NALF1: variants seen among roughly 807,000 people sequenced by gnomAD.
The protein encoded by NALF1 is NALCN channel auxiliary factor 1.
A neutral mutation model predicts 48.4 loss-of-function variants in NALF1; 3 were observed. The ratio of observed to expected loss-of-function variants is 0.06; its 90% CI spans 0.03 to 0.16. The LOEUF (loss-of-function observed/expected upper bound fraction) is 0.16. NALF1 is among the 10% of genes least tolerant of loss of function. The pLI, the probability that NALF1 is intolerant of heterozygous loss-of-function variation, is 1.00. For missense variants in NALF1, 526 were observed against 571.5 expected, an observed-to-expected ratio of 0.92 and a Z score of 0.81; for synonymous variants, 262 against 245.7, an observed-to-expected ratio of 1.07 and a Z score of -0.62.
intron 1 of NALF1, among the ~76,000 whole-genome samples, chr13:107,221,787 A>G (rs1205747875): frequency 6.6e-6 from 1 of 152,078 alleles, no homozygotes; most frequent in Non-Finnish European, 1.5e-5. Context: ...ATTTTACCCT[A>G]CACCCCGCCA....
At chr13:107,321,747 A>G (rs1038961771) in intron 1 of NALF1, among the ~76,000 whole-genome samples, 7 of 152,118 alleles carry the variant, frequency 4.6e-5, no homozygotes, top group African/African-American at 1.4e-4. Flanking sequence ...GGTCCTCCTA[A>G]ATGGCATCTT....
At position 107,223,660 on chromosome 13, in the gene NALF1, G is replaced by A. The variant is rs558176189; in HGVS notation, c.916-12905C>T. Among the ~76,000 whole-genome samples, 41 of 152,278 alleles carry A rather than the reference G, an allele frequency of 2.7e-4. No individual in the cohort carries two copies. In the East Asian group the frequency reaches 3.7e-3, roughly 14 times the overall value. On this transcript the variant is annotated intron_variant, in intron 1 of 2. Transcript: ENST00000375915. The stretch of plus-strand genomic sequence containing the variant: ...AAAACATTTTCAAGGACAGTTTCTC[G>A]TTGGGTGCTCCCTGTGTTCCATTGA...
intron 1 of NALF1, among the ~76,000 whole-genome samples, chr13:107,226,301 G>C (rs372957493): frequency 1.3e-5 from 2 of 152,302 alleles, no homozygotes; most frequent in African/African-American, 4.8e-5. Flanking sequence ...TAGAATTTAA[G>C]ATACTCACTA....
chr13:107,374,416 T>A (rs1883301035), intron 1 of NALF1, among the ~76,000 whole-genome samples: 1 of 152,222 alleles, frequency 6.6e-6, no homozygotes, highest in South Asian at 2.1e-4. Context: ...AATAAGTAGA[T>A]CCTCTATCAA....
intron 1 of NALF1, among the ~76,000 whole-genome samples, chr13:107,221,988 A>G (rs991590478): frequency 6.6e-6 from 1 of 152,224 alleles, no homozygotes; most frequent in Non-Finnish European, 1.5e-5. Context: ...AAAGAAGCTC[A>G]AAGAAGGCAC....
chr13:107,807,238 A>T, intron 1 of NALF1, among the ~76,000 whole-genome samples: 1 of 152,298 alleles, frequency 6.6e-6, no homozygotes, highest in East Asian at 1.9e-4. Flanking sequence ...TATTTTCAAT[A>T]TCTAAGATAT....
chr13:107,781,221 C>G (rs763375270), intron 1 of NALF1, among the ~76,000 whole-genome samples: 1 of 151,928 alleles, frequency 6.6e-6, no homozygotes, highest in East Asian at 1.9e-4. Flanking sequence ...ACCAGAGATG[C>G]CTCTGCAAAA....
intron 1 of NALF1, among the ~76,000 whole-genome samples, chr13:107,767,035 G>C (rs1470169883): frequency 6.6e-6 from 1 of 152,140 alleles, no homozygotes; most frequent in Non-Finnish European, 1.5e-5. Flanking sequence ...GGGTAAGACA[G>C]AGTCAGAGAG....
chr13:107,199,642 C>A (rs1032968711), intron 2 of NALF1, among the ~76,000 whole-genome samples: 15 of 152,132 alleles, frequency 9.9e-5, no homozygotes, highest in African/African-American at 2.9e-4. Context: ...CACTTTTCAG[C>A]CTTTGTTTTA....
chr13:107,679,685 A>T (rs1305462047), intron 1 of NALF1, among the ~76,000 whole-genome samples: 2 of 152,120 alleles, frequency 1.3e-5, no homozygotes, highest in Non-Finnish European at 2.9e-5. Context: ...CTCAGCTCCC[A>T]CTGTGGTGCT....
intron 1 of NALF1, among the ~76,000 whole-genome samples, chr13:107,549,103 A>C (rs548333604): frequency 1.3e-5 from 2 of 152,304 alleles, no homozygotes; most frequent in Admixed American, 1.3e-4. Flanking sequence ...GTTACCTTAC[A>C]AACATGTTCT....
intron 1 of NALF1, among the ~76,000 whole-genome samples, chr13:107,800,859 T>C (rs1878592688): frequency 6.6e-6 from 1 of 151,556 alleles, no homozygotes; most frequent in South Asian, 2.1e-4. Flanking sequence ...TGGTTTAAGT[T>C]ATAGTATGAT....
At chr13:107,548,134 A>G (rs995363446) in intron 1 of NALF1, among the ~76,000 whole-genome samples, 2 of 151,906 alleles carry the variant, frequency 1.3e-5, no homozygotes, top group Non-Finnish European at 2.9e-5. Flanking sequence ...CCCACCCTCC[A>G]TCCTCGAGTA....
intron 1 of NALF1, among the ~76,000 whole-genome samples, chr13:107,617,178 C>T (rs1180561247): frequency 2.0e-5 from 3 of 152,098 alleles, no homozygotes. Context: ...TATTCATATC[C>T]TTCAGAACTG....
chr13:107,738,838 A>AC lies in NALF1; in HGVS notation c.915+126843_915+126844insG, dbSNP rs1876540591. Among the ~76,000 whole-genome samples the AC allele has an allele frequency of 4.6e-5, 7 of 151,850 alleles. No individual in the cohort carries two copies. The South Asian group carries it at 1.5e-3, about 32-fold the overall frequency. On this transcript the variant is annotated intron_variant, in intron 1 of 2. Coordinates refer to ENST00000375915, the MANE Select transcript of NALF1 (RefSeq NM_001080396.3). ...GCCAGCATGACCAGCTCATTTTTGTATTTTTAGTAGAGATGGGGTTTCACC... is the reference window on the plus strand; with the variant it reads ...GCCAGCATGACCAGCTCATTTTTGTACTTTTTAGTAGAGATGGGGTTTCACC...
chr13:107,759,308 A>G (rs146016991), intron 1 of NALF1, among the ~76,000 whole-genome samples: 2,523 of 152,254 alleles, frequency 0.017, 73 homozygotes, highest in African/African-American at 0.057. Flanking sequence ...TCCCGGGTTC[A>G]AGCAATTCTC....
chr13:107,289,737 C>T (rs868095852), intron 1 of NALF1, among the ~76,000 whole-genome samples: 9 of 152,124 alleles, frequency 5.9e-5, no homozygotes, highest in Non-Finnish European at 7.3e-5. Context: ...GGGGATAAAA[C>T]GAGCTATTTC....
At chr13:107,521,984 G>A (rs528891329) in intron 1 of NALF1, among the ~76,000 whole-genome samples, 115 of 151,314 alleles carry the variant, frequency 7.6e-4, no homozygotes, top group African/African-American at 2.7e-3. Context: ...CACACACAGC[G>A]TATCTCTCAC....
At chr13:107,835,294 G>C (rs573890956) in intron 1 of NALF1, 1 of 152,238 alleles carries the variant, frequency 6.6e-6, no homozygotes, top group African/African-American at 2.4e-5. Context: ...TACAATGTGT[G>C]TACTGTCCTC....
Sources: allele counts gnomAD v4.1 joint callset (sites outside exome capture counted in the v4.1 genomes callset), GRCh38; gene constraint gnomAD v4.1.1; transcripts MANE v1.5; gene names NCBI Gene and HGNC (gene_info 2026-07-23, HGNC 2026-07-21).